The following TRIM14 variants were observed in gnomAD, a reference collection of about 807,000 sequenced individuals.
The protein encoded by TRIM14 is tripartite motif containing 14, also known as tripartite motif-containing protein 14.
Under a neutral mutation model 44.5 loss-of-function variants are expected in TRIM14, and 28 were observed. The ratio of observed to expected loss-of-function variants is 0.63; its 90% confidence interval spans 0.47 to 0.86. The LOEUF (loss-of-function observed/expected upper bound fraction) is 0.86, where lower values mean the gene tolerates loss of function less well. TRIM14 is among the 40% of genes least tolerant of loss of function. The pLI, the probability that TRIM14 is intolerant of heterozygous loss-of-function variation, is 0.00. For missense variants in TRIM14, 607 were observed against 611.1 expected, an observed-to-expected ratio of 0.99 and a Z score of 0.07; for synonymous variants, 299 against 269.2, an observed-to-expected ratio of 1.11 and a Z score of -1.08.
Position 98,087,599 on chromosome 9 carries a change from G to A in TRIM14, c.1200C>T (p.Gly400=). 6.3e-7 allele frequency: 1 copy of A among 1,599,406 alleles called. No individual in the cohort carries two copies. The part of the protein sequence containing the change: ...RLGVFLDYEA[G]VLAFYDVTGG... ...CCGTCACGTCGTAGAAGGCGAGGAC[G>A]CCGGCCTCGTAGTCCAGGAAGACGC... The change falls in exon 6 of 6, where the codon GGC becomes GGT. Residue 400 remains glycine, a synonymous_variant. Transcript: ENST00000341469.
At chr9:98,044,127 T>C in the TRIM14 span, among the ~76,000 whole-genome samples, 1 of 151,700 alleles carries the variant, frequency 6.6e-6, no homozygotes, top group African/African-American at 2.4e-5. Context: ...ACTGAGGTGT[T>C]ACTGCCCTCT....
At chr9:98,036,444 T>C in the TRIM14 span, among the ~76,000 whole-genome samples, 1 of 138,090 alleles carries the variant, frequency 7.2e-6, no homozygotes, top group Non-Finnish European at 1.5e-5. Flanking sequence ...GAGGTTGCAG[T>C]GAGCCAAGAT....
chr9:98,047,553 A>T, the TRIM14 span, among the ~76,000 whole-genome samples: 1 of 152,098 alleles, frequency 6.6e-6, no homozygotes, highest in Non-Finnish European at 1.5e-5. Flanking sequence ...AAGCAGTTAG[A>T]GCCCTCTCAA....
chr9:98,077,418 C>T (rs1829641314), intron 6 of TRIM14, among the ~76,000 whole-genome samples: 1 of 150,786 alleles, frequency 6.6e-6, no homozygotes, highest in South Asian at 2.1e-4. Flanking sequence ...CTATGTTGCC[C>T]AGGTTGGTCT....
Position 98,099,844 on chromosome 9 carries a change from G to A in TRIM14, c.537+87C>T, listed in dbSNP as rs758420834. 8 of 1,182,940 alleles carry A rather than the reference G, an allele frequency of 6.8e-6. No individual in the cohort carries two copies. The African/African-American group carries it at 1.2e-4, about 18-fold the overall frequency. 73.3% of individuals were successfully genotyped at this position (1,182,940 alleles called of 1,614,324 possible). ...ACAATAGTCCATGTACTTGCTTAGT[G>A]TGTCAATACTGTGCTCAATGCCACA... On this transcript the variant is annotated intron_variant, in intron 3 of 5. Coordinates refer to ENST00000341469, the MANE Select transcript of TRIM14 (RefSeq NM_014788.4).
In TRIM14 at chr9:98,087,928, A is replaced by C. The variant is rs754764863; in HGVS notation, c.871T>G (p.Cys291Gly). 1.3e-6 allele frequency: 2 copies of C among 1,566,486 alleles called. No individual in the cohort carries two copies. The highest frequency in any genetic ancestry group is 4.8e-5 in the East Asian group (2 of 41,332). Residue 291 changes from cysteine (C) to glycine (G), a missense_variant, in exon 6 of 6, where the codon TGC (cysteine) becomes GGC (glycine). Coordinates refer to ENST00000341469, the MANE Select transcript of TRIM14 (RefSeq NM_014788.4). Reference sequence around the variant, plus strand: ...GGCCCCAGGCTGCCCAGCAGGCCGCAGCGCACCGTCAGGCGATCGGCGGAC... The same window carrying C: ...GGCCCCAGGCTGCCCAGCAGGCCGCCGCGCACCGTCAGGCGATCGGCGGAC... Reference protein sequence around the residue: ...RLSADRLTVRCGLLGSLGPVP... With the variant: ...RLSADRLTVRGGLLGSLGPVP...
the TRIM14 span, among the ~76,000 whole-genome samples, chr9:98,046,088 A>G: frequency 3.9e-5 from 6 of 152,166 alleles, no homozygotes; most frequent in South Asian, 6.2e-4. Context: ...GGTTTTGGAA[A>G]TTCACAGGGA....
chr9:98,060,026 T>C, the TRIM14 span, among the ~76,000 whole-genome samples: 127 of 152,320 alleles, frequency 8.3e-4, 2 homozygotes, highest in African/African-American at 2.9e-3. Context: ...TTTATATCGA[T>C]GGAGAAACTG....
At chr9:98,042,047 C>T in the TRIM14 span, among the ~76,000 whole-genome samples, 1 of 151,662 alleles carries the variant, frequency 6.6e-6, no homozygotes, top group Non-Finnish European at 1.5e-5. Context: ...CTAATCCCAG[C>T]ACTTTGGGAG....
At chr9:98,052,052 A>T in the TRIM14 span, among the ~76,000 whole-genome samples, 1 of 152,196 alleles carries the variant, frequency 6.6e-6, no homozygotes, top group South Asian at 2.1e-4. Flanking sequence ...CAAGGCTAAA[A>T]GCTCTCTCAC....
intron 6 of TRIM14, chr9:98,077,134 AT>A: frequency 2.7e-6 from 2 of 746,886 alleles, no homozygotes; most frequent in Non-Finnish European, 4.2e-6. Flanking sequence ...GCCTCTTTTC[AT>A]TTTTTTAAAT....
rs887183426 is a variant in TRIM14 at position 98,095,402 on chromosome 9, C to T, written c.538-373G>A. Among the ~76,000 whole-genome samples, 13 of 152,352 alleles carry T rather than the reference C, an allele frequency of 8.5e-5. No individual in the cohort carries two copies. Among genetic ancestry groups the T allele is most frequent in the South Asian group, 2.1e-4 (1 of 4,830 alleles). ...AGAGGCTTCAGCCTCACACACACTG[C>T]GCCACGGGTCTGCCTTGGGTACAAA... On this transcript the variant is annotated intron_variant, in intron 3 of 5. Coordinates refer to ENST00000341469, the MANE Select transcript of TRIM14 (RefSeq NM_014788.4). The surrounding 1 kb of genome is among the most constrained non-coding windows in gnomAD (Gnocchi z 4.1).
the TRIM14 span, among the ~76,000 whole-genome samples, chr9:98,061,940 G>A: frequency 8.6e-5 from 13 of 151,856 alleles, no homozygotes; most frequent in Admixed American, 8.5e-4. Context: ...GGGAACCAGG[G>A]CCTGGGTGTG....
the TRIM14 span, among the ~76,000 whole-genome samples, chr9:98,045,160 T>G: frequency 6.6e-6 from 1 of 152,022 alleles, no homozygotes; most frequent in Admixed American, 6.6e-5. Flanking sequence ...GTAGGATCCT[T>G]AAACAACAGC....
chr9:98,067,101 GACTA>G (rs947373392), downstream of TRIM14, among the ~76,000 whole-genome samples: 4 of 151,660 alleles, frequency 2.6e-5, no homozygotes, highest in African/African-American at 7.3e-5. Context: ...TTCTTTTTTT[GACTA>G]ACTCATAATT....
chr9:98,088,438 T>C (rs1461860350), intron 5 of TRIM14, among the ~76,000 whole-genome samples: 1 of 152,106 alleles, frequency 6.6e-6, no homozygotes, highest in East Asian at 1.9e-4. Context: ...CACTGCAAGC[T>C]CCGCCTCCCA....
At chr9:98,067,026 G>A (rs939368357), downstream of TRIM14, among the ~76,000 whole-genome samples, 1 of 152,126 alleles carries the variant, frequency 6.6e-6, no homozygotes, top group Non-Finnish European at 1.5e-5. Context: ...GTGGTCCTTC[G>A]AGCCTGACTT....
chr9:98,050,648 C>T, the TRIM14 span, among the ~76,000 whole-genome samples: 10 of 152,122 alleles, frequency 6.6e-5, no homozygotes, highest in Non-Finnish European at 1.5e-4. Context: ...CACATTCTCC[C>T]TTAGGTGAGA....
chr9:98,039,502 TGCCTTTGTAG>T, the TRIM14 span, among the ~76,000 whole-genome samples: 4 of 152,164 alleles, frequency 2.6e-5, no homozygotes, highest in Non-Finnish European at 5.9e-5. Context: ...GGCTCTAGAT[TGCCTTTGTAG>T]GACTAATATT....
Sources: gnomAD v4.1 joint callset for allele counts (sites outside exome capture counted in the v4.1 genomes callset) on GRCh38, gnomAD v4.1.1 for gene constraint, Gnocchi (gnomAD v3.1) non-coding constraint, MANE v1.5 for transcripts, NCBI Gene and HGNC (gene_info 2026-07-23, HGNC 2026-07-21) for gene names.